The following AFAP1 variants were observed in gnomAD, a reference collection of about 807,000 sequenced individuals.
AFAP1 encodes the protein actin filament associated protein 1, also known as actin filament-associated protein 1.
A neutral mutation model predicts 93.9 loss-of-function variants in AFAP1; 75 were observed. That is an observed-to-expected ratio of 0.80 (90% CI 0.66 to 0.97). The LOEUF (loss-of-function observed/expected upper bound fraction) is 0.97, where lower values mean the gene tolerates loss of function less well. Among genes scored for constraint, AFAP1 ranks in the 50% least tolerant of loss-of-function variants. AFAP1 has a pLI of 0.00. For synonymous variants in AFAP1, 517 were observed against 430.7 expected, an observed-to-expected ratio of 1.20 and a Z score of -2.48; for missense variants, 1,201 against 1,050.8, an observed-to-expected ratio of 1.14 and a Z score of -1.98.
At chr4:7,815,319 G>C (rs1290524091) in intron 8 of AFAP1, among the ~76,000 whole-genome samples, 1 of 152,024 alleles carries the variant, frequency 6.6e-6, no homozygotes, top group African/African-American at 2.4e-5. Context: ...AAGAGTTCTG[G>C]AGACTGATGG....
chr4:7,812,915 G>A (rs550855213), intron 8 of AFAP1, among the ~76,000 whole-genome samples: 1 of 152,298 alleles, frequency 6.6e-6, no homozygotes, highest in South Asian at 2.1e-4. Flanking sequence ...CAGATGTGAA[G>A]TGGGGCTGAG....
chr4:7,924,210 G>A (rs1272236566), intron 1 of AFAP1, among the ~76,000 whole-genome samples: 3 of 152,134 alleles, frequency 2.0e-5, no homozygotes, highest in South Asian at 2.1e-4. Context: ...CTGTAGTTCC[G>A]TTTATCTTTA....
intron 1 of AFAP1, among the ~76,000 whole-genome samples, chr4:7,900,703 G>GA: frequency 6.6e-6 from 1 of 152,314 alleles, no homozygotes; most frequent in South Asian, 2.1e-4. Flanking sequence ...GCACAACTTT[G>GA]AAAAACTGTA....
chr4:7,899,230 C>T (rs534732955), intron 1 of AFAP1, among the ~76,000 whole-genome samples: 4 of 152,106 alleles, frequency 2.6e-5, no homozygotes, highest in Non-Finnish European at 4.4e-5. Context: ...CACCTATAGG[C>T]GCCCCCACTG....
At chr4:7,903,398 G>A (rs762383749) in intron 1 of AFAP1, among the ~76,000 whole-genome samples, 17 of 152,218 alleles carry the variant, frequency 1.1e-4, no homozygotes, top group Non-Finnish European at 2.4e-4. Context: ...TGGAAACAGC[G>A]ACCAGGCGCG....
intron 3 of AFAP1, among the ~76,000 whole-genome samples, chr4:7,858,142 C>T (rs1715279286): frequency 6.6e-6 from 1 of 152,124 alleles, no homozygotes; most frequent in Non-Finnish European, 1.5e-5. Context: ...CTTTATTAAC[C>T]TCTACGAGAT....
intron 14 of AFAP1, chr4:7,777,005 G>A (rs750007301): frequency 6.6e-6 from 1 of 152,102 alleles, no homozygotes; most frequent in Non-Finnish European, 1.5e-5. Flanking sequence ...CGTCACCACA[G>A]TTAATAAAAA....
chr4:7,913,274 C>T (rs1046231835), intron 1 of AFAP1, among the ~76,000 whole-genome samples: 1 of 151,522 alleles, frequency 6.6e-6, no homozygotes, highest in Non-Finnish European at 1.5e-5. Context: ...CCTGTGGTCC[C>T]AGCTACTTGG....
At chr4:7,874,101 C>G (rs911704448) in intron 1 of AFAP1, among the ~76,000 whole-genome samples, 11 of 152,170 alleles carry the variant, frequency 7.2e-5, no homozygotes, top group African/African-American at 2.7e-4. Flanking sequence ...TTTGGAAGAT[C>G]TGCACAACTC....
intron 7 of AFAP1, among the ~76,000 whole-genome samples, chr4:7,817,895 G>A (rs1720624450): frequency 6.6e-6 from 1 of 152,018 alleles, no homozygotes; most frequent in Non-Finnish European, 1.5e-5. Flanking sequence ...TCTATGTGCT[G>A]TTGTAATGAG....
chr4:7,796,061 ATG>A (rs1233161211), intron 10 of AFAP1, among the ~76,000 whole-genome samples: 1 of 152,152 alleles, frequency 6.6e-6, no homozygotes, highest in Admixed American at 6.5e-5. Flanking sequence ...AAACGTGTGA[ATG>A]TGTGTGTATG....
At chr4:7,882,506 T>G (rs1717908975) in intron 1 of AFAP1, among the ~76,000 whole-genome samples, 1 of 151,536 alleles carries the variant, frequency 6.6e-6, no homozygotes, top group South Asian at 2.1e-4. Context: ...ATATCCTAAA[T>G]AAAATTTTAG....
chr4:7,908,296 A>C (rs1490231041), intron 1 of AFAP1, among the ~76,000 whole-genome samples: 3 of 152,198 alleles, frequency 2.0e-5, no homozygotes, highest in African/African-American at 7.2e-5. Context: ...CTCCAAGGGC[A>C]CACAGGGTGC....
At chr4:7,930,744 TC>T (rs1411046236) in intron 1 of AFAP1, among the ~76,000 whole-genome samples, 2 of 152,186 alleles carry the variant, frequency 1.3e-5, no homozygotes, top group East Asian at 3.9e-4. Context: ...GTACTATGTA[TC>T]CCACTATCAC....
rs542627329 is a variant in AFAP1, at chr4:7,796,503, A to C, written c.1267-2677T>G. The stretch of plus-strand genomic sequence containing the variant: ...AGTGGCTCACGCCTGTAATCCCAGC[A>C]CTTTGGGAGGCCGAGGCGGGCGGAT... On this transcript the variant is annotated intron_variant, in intron 10 of 17. Coordinates refer to ENST00000420658, the MANE Select transcript of AFAP1 (RefSeq NM_001134647.2). 1.3e-4 allele frequency among the ~76,000 whole-genome samples: 20 copies of C among 152,240 alleles called. No homozygotes were observed. The East Asian group carries it at 3.9e-3, about 29-fold the overall frequency.
rs374674063 is a variant in AFAP1 at position 7,800,428 on chromosome 4, G to C, written c.1266+14C>G. On this transcript the variant is annotated intron_variant, in intron 10 of 17. Coordinates refer to ENST00000420658, the MANE Select transcript of AFAP1 (RefSeq NM_001134647.2). ...TGTCCCTCTGTGGAGTACAGCCCCT[G>C]GGAAATATCCTACCTCCAATACTGC... The C allele has an allele frequency of 3.1e-5, 50 of 1,613,148 alleles. No homozygotes were observed. Among genetic ancestry groups the C allele is most frequent in the Non-Finnish European group, 3.8e-5 (45 of 1,179,522 alleles).
chr4:7,822,586 CTTTTTTTTTTTT>C (rs5855982), intron 6 of AFAP1, among the ~76,000 whole-genome samples: 1 of 132,572 alleles, frequency 7.5e-6, no homozygotes, highest in Non-Finnish European at 1.6e-5. Context: ...TTTCTTTTTT[CTTTTTTTTTTTT>C]TTTTGAGACA....
At chr4:7,793,931 G>T in intron 10 of AFAP1, 105 bp from the exon 11 acceptor site, 1 of 1,268,732 alleles carries the variant, frequency 7.9e-7, no homozygotes, top group Non-Finnish European at 1.0e-6. Context: ...GATGAAACAT[G>T]ATGTCCCTAA....
intron 17 of AFAP1, 57 bp downstream of exon 17, chr4:7,768,787 T>C: frequency 2.0e-6 from 3 of 1,482,660 alleles, no homozygotes; most frequent in Non-Finnish European, 2.7e-6. Context: ...CCGAGAATGC[T>C]GGGAGCTTAA....
Sources: allele counts gnomAD v4.1 joint callset (sites outside exome capture counted in the v4.1 genomes callset), GRCh38; gene constraint gnomAD v4.1.1; transcripts MANE v1.5; gene names NCBI Gene and HGNC (gene_info 2026-07-23, HGNC 2026-07-21).